The following ZPBP variants were observed in gnomAD, a reference collection of about 807,000 sequenced individuals.
ZPBP encodes zona pellucida-binding protein 1.
In ZPBP, 26 loss-of-function variants were observed where a neutral mutation model predicts 44.8. The ratio of observed to expected loss-of-function variants is 0.58; its 90% CI spans 0.43 to 0.81. ZPBP has a LOEUF of 0.81. Among genes scored for constraint, ZPBP ranks in the 30% least tolerant of loss-of-function variants. ZPBP has a pLI of 0.00. For missense variants in ZPBP, 409 were observed against 434.0 expected (o/e 0.94, Z 0.51); for synonymous variants, 174 against 153.2 (o/e 1.14, Z -1.00).
intron 2 of ZPBP, among the ~76,000 whole-genome samples, chr7:49,899,177 T>C (rs888010209): frequency 3.3e-5 from 5 of 152,050 alleles, no homozygotes; most frequent in East Asian, 1.9e-4. Context: ...AAACCTTAGA[T>C]AGTATTGAAC....
At chr7:49,957,658 G>A (rs1321935134) in intron 7 of ZPBP, among the ~76,000 whole-genome samples, 1 of 152,188 alleles carries the variant, frequency 6.6e-6, no homozygotes, top group Non-Finnish European at 1.5e-5. Flanking sequence ...TTATTTCAAA[G>A]AAACTTGTTG....
chr7:50,024,639 G>T (rs1046744249), intron 5 of ZPBP, among the ~76,000 whole-genome samples: 1 of 151,874 alleles, frequency 6.6e-6, no homozygotes, highest in Admixed American at 6.6e-5. Context: ...AAAGCAGGAA[G>T]TAGAATGGTG....
At chr7:49,880,772 G>T (rs1791629502) in intron 2 of ZPBP, among the ~76,000 whole-genome samples, 1 of 152,000 alleles carries the variant, frequency 6.6e-6, no homozygotes, top group Non-Finnish European at 1.5e-5. Context: ...CATGGCACAT[G>T]TATACATAGG....
At chr7:50,067,317 A>AT (rs200538321) in intron 3 of ZPBP, among the ~76,000 whole-genome samples, 1 of 151,372 alleles carries the variant, frequency 6.6e-6, no homozygotes, top group East Asian at 1.9e-4. Flanking sequence ...CTTGTACTTT[A>AT]TTTTTTTACT....
intron 2 of ZPBP, among the ~76,000 whole-genome samples, chr7:49,862,258 T>A (rs947544361): frequency 3.1e-4 from 47 of 152,196 alleles, no homozygotes; most frequent in Admixed American, 9.2e-4. Flanking sequence ...CTCTCTTAAA[T>A]TTCTTTTCAA....
At chr7:49,906,374 G>A (rs933489558) in intron 1 of ZPBP, among the ~76,000 whole-genome samples, 5 of 151,868 alleles carry the variant, frequency 3.3e-5, no homozygotes, top group East Asian at 1.9e-4. Context: ...TTGCTCTGTC[G>A]CCCAGGCTGG....
intron 7 of ZPBP, among the ~76,000 whole-genome samples, chr7:49,979,984 TATA>T (rs968056385): frequency 1.9e-5 from 2 of 104,528 alleles, no homozygotes; most frequent in African/African-American, 3.8e-5. Flanking sequence ...TATATATTAA[TATA>T]ATTTTATATT....
At chr7:50,016,868 C>G (rs1184507169) in intron 6 of ZPBP, among the ~76,000 whole-genome samples, 1 of 152,008 alleles carries the variant, frequency 6.6e-6, no homozygotes, top group Non-Finnish European at 1.5e-5. Flanking sequence ...AATCTTATTT[C>G]AAGAGTTAAA....
intron 4 of ZPBP, 30 bp downstream of exon 4, chr7:50,057,959 G>A (rs774229732): frequency 1.7e-4 from 265 of 1,585,688 alleles, no homozygotes; most frequent in Non-Finnish European, 2.2e-4. Flanking sequence ...CATTAAGAAA[G>A]GTTAAAACAC....
chr7:50,083,966 G>A (rs1053561358), intron 2 of ZPBP, among the ~76,000 whole-genome samples: 1 of 151,852 alleles, frequency 6.6e-6, no homozygotes, highest in Admixed American at 6.6e-5. Flanking sequence ...TTCTTAAATG[G>A]TAACACTTTC....
At chr7:50,090,313 T>C (rs561228245) in intron 1 of ZPBP, among the ~76,000 whole-genome samples, 1 of 151,884 alleles carries the variant, frequency 6.6e-6, no homozygotes, top group Non-Finnish European at 1.5e-5. Context: ...TGCATCCTCA[T>C]AGCTTAGCTC....
intron 6 of ZPBP, among the ~76,000 whole-genome samples, chr7:50,004,433 G>C (rs974782413): frequency 6.6e-6 from 1 of 151,278 alleles, no homozygotes; most frequent in Non-Finnish European, 1.5e-5. Flanking sequence ...TTCTAGGACT[G>C]AGCCACTACT....
At chr7:49,908,967 CT>C (rs1321510750) in intron 1 of ZPBP, among the ~76,000 whole-genome samples, 1 of 152,204 alleles carries the variant, frequency 6.6e-6, no homozygotes, top group African/African-American at 2.4e-5. Flanking sequence ...TTACAAGTGA[CT>C]GTTGCCCTGA....
At chr7:50,078,492 A>G (rs1802209665) in intron 3 of ZPBP, among the ~76,000 whole-genome samples, 1 of 151,542 alleles carries the variant, frequency 6.6e-6, no homozygotes, top group South Asian at 2.1e-4. Context: ...CTGTATCAAA[A>G]CATCTTATCC....
In ZPBP at chr7:49,882,428, A is replaced by G. The variant is rs531908733; in HGVS notation, n.509+18690T>C. On this transcript the variant is annotated intron_variant and non_coding_transcript_variant, in intron 2 of 2. Transcript: ENST00000465922. ...GTCTTCTCTTTTAGTCTTTTTCCAT[A>G]TACATCCTATATGGAATTTAGATTT... is the stretch of plus-strand genomic sequence containing the variant. Among the ~76,000 whole-genome samples the G allele has an allele frequency of 1.0e-3, 154 of 152,306 alleles. 3 individuals are homozygous for G. Among genetic ancestry groups the G allele is most frequent in the Middle Eastern group, 6.8e-3 (2 of 294 alleles).
At chr7:49,913,737 C>T (rs566814961) in intron 1 of ZPBP, 23 of 152,034 alleles carry the variant, frequency 1.5e-4, no homozygotes, top group African/African-American at 5.1e-4. Flanking sequence ...GAAAGCCTTC[C>T]TAATGAGAAG....
chr7:49,845,197 T>A, the ZPBP span, among the ~76,000 whole-genome samples: 3 of 151,864 alleles, frequency 2.0e-5, no homozygotes, highest in Non-Finnish European at 4.4e-5. Context: ...ACCTAGGTGA[T>A]GGGTTGATTG....
At chr7:50,084,319 A>T (rs1416748131) in intron 2 of ZPBP, among the ~76,000 whole-genome samples, 2 of 151,228 alleles carry the variant, frequency 1.3e-5, no homozygotes, top group African/African-American at 4.9e-5. Flanking sequence ...CTCCTGGATA[A>T]TACAGTCCCA....
intron 7 of ZPBP, among the ~76,000 whole-genome samples, chr7:49,940,918 T>C (rs1384979754): frequency 6.6e-6 from 1 of 151,840 alleles, no homozygotes; most frequent in Admixed American, 6.6e-5. Flanking sequence ...TCCTGAAAAA[T>C]ATAACATAAC....
Sources: allele counts gnomAD v4.1 joint callset (sites outside exome capture counted in the v4.1 genomes callset), GRCh38; gene constraint gnomAD v4.1.1; transcripts MANE v1.5; gene names NCBI Gene and HGNC (gene_info 2026-07-23, HGNC 2026-07-21).